The following IGF2R variants were observed in gnomAD, a reference collection of about 807,000 sequenced individuals.
IGF2R encodes the protein cation-independent mannose-6-phosphate receptor.
A neutral mutation model predicts 270.6 loss-of-function variants in IGF2R; 91 were observed. That is an observed-to-expected ratio of 0.34 (90% CI 0.28 to 0.40). The LOEUF (loss-of-function observed/expected upper bound fraction) is 0.40. Ranked by LOEUF, IGF2R falls within the 10% of genes least tolerant of loss-of-function variation. The pLI is 1.00. For missense variants in IGF2R, 2,805 were observed against 3,188.3 expected, an observed-to-expected ratio of 0.88 and a Z score of 2.90; for synonymous variants, 1,316 against 1,258.9, an observed-to-expected ratio of 1.05 and a Z score of -0.96.
intron 44 of IGF2R, 68 bp downstream of exon 44, chr6:160,090,171 C>A: frequency 8.8e-7 from 1 of 1,141,400 alleles, no homozygotes; most frequent in Non-Finnish European, 1.2e-6. Flanking sequence ...AAATTTTCAA[C>A]TAACTCCCTT....
intron 13 of IGF2R, among the ~76,000 whole-genome samples, chr6:160,045,271 A>G (rs578188888): frequency 2.8e-4 from 42 of 152,288 alleles, no homozygotes; most frequent in Middle Eastern, 3.4e-3. Context: ...GCTATTATGT[A>G]TCCTCTCTCT....
chr6:160,091,554 T>A (rs924510812), intron 44 of IGF2R, among the ~76,000 whole-genome samples: 1 of 152,202 alleles, frequency 6.6e-6, no homozygotes, highest in Non-Finnish European at 1.5e-5. Flanking sequence ...GGAAAGTGAA[T>A]GTTCTGCTTT....
chr6:160,070,190 G>T, intron 31 of IGF2R, 132 bp downstream of exon 31: 1 of 855,042 alleles, frequency 1.2e-6, no homozygotes. Context: ...GCCCTTACCA[G>T]AGGTTGGGGG....
chr6:160,076,030 A>G (rs767663296), intron 36 of IGF2R, 34 bp downstream of exon 36: 6 of 1,606,328 alleles, frequency 3.7e-6, no homozygotes, highest in East Asian at 2.2e-5. Flanking sequence ...TAGATGCTCA[A>G]CTGCGGGTTA....
intron 30 of IGF2R, among the ~76,000 whole-genome samples, chr6:160,069,079 G>T (rs1778656494): frequency 6.6e-6 from 1 of 150,460 alleles, no homozygotes; most frequent in South Asian, 2.1e-4. Flanking sequence ...GTGTGTGCCT[G>T]CGTATGTTGA....
intron 15 of IGF2R, 112 bp from the exon 16 acceptor site, chr6:160,047,047 G>A: frequency 1.1e-6 from 1 of 948,936 alleles, no homozygotes; most frequent in Non-Finnish European, 1.7e-6. Flanking sequence ...TGCAGCCCGG[G>A]CCTGGTTCTG....
intron 7 of IGF2R, among the ~76,000 whole-genome samples, chr6:160,030,540 T>A (rs1777672402): frequency 6.6e-6 from 1 of 152,128 alleles, no homozygotes; most frequent in African/African-American, 2.4e-5. Context: ...GAGTGTCTGA[T>A]GTTTGTTCTG....
At chr6:160,035,132 GTCA>G (rs1234188504) in intron 10 of IGF2R, among the ~76,000 whole-genome samples, 1 of 152,142 alleles carries the variant, frequency 6.6e-6, no homozygotes, top group Non-Finnish European at 1.5e-5. Flanking sequence ...ATGGGATTCC[GTCA>G]TCATCAGAGA....
At chr6:159,980,180 CAAAAAAGA>C (rs1266003788) in intron 1 of IGF2R, among the ~76,000 whole-genome samples, 3 of 87,326 alleles carry the variant, frequency 3.4e-5, no homozygotes, top group African/African-American at 9.4e-5. Context: ...GACTCCGTCT[CAAAAAAGA>C]AAGAAAGAAA....
intron 4 of IGF2R, among the ~76,000 whole-genome samples, chr6:160,014,636 T>C (rs1017567244): frequency 1.3e-5 from 2 of 152,218 alleles, no homozygotes; most frequent in African/African-American, 4.8e-5. Flanking sequence ...TGCTCCCTTT[T>C]CCATCATAGG....
Position 160,043,204 on chromosome 6 carries a change from C to A in IGF2R, c.1537C>A (p.His513Asn). Residue 513 changes from histidine (H) to asparagine (N), a missense_variant, in exon 12 of 48, where the codon CAT becomes AAT. Transcript: ENST00000356956. ...DGSQTETEKK[H>N]FFINICHRVL... Reference sequence around the variant, plus strand: ...CAGTCAGACGGAAACAGAGAAGAAGCATTTTTTCATTAATATTTGTCACAG... The same window carrying A: ...CAGTCAGACGGAAACAGAGAAGAAGAATTTTTTCATTAATATTTGTCACAG... 1.2e-6 allele frequency: 2 copies of A among 1,614,066 alleles called. No homozygotes were observed. The highest frequency in any genetic ancestry group is 4.5e-5 in the East Asian group (2 of 44,872).
At chr6:160,075,494 G>A (rs1387643305) in intron 35 of IGF2R, among the ~76,000 whole-genome samples, 2 of 152,154 alleles carry the variant, frequency 1.3e-5, no homozygotes, top group East Asian at 1.9e-4. Flanking sequence ...ATCCTTAGAG[G>A]TTTTTCAGGT....
At chr6:160,083,368 T>G (rs546418285) in intron 39 of IGF2R, among the ~76,000 whole-genome samples, 1 of 152,194 alleles carries the variant, frequency 6.6e-6, no homozygotes, top group African/African-American at 2.4e-5. Context: ...GTTGAACAAA[T>G]GTACAATCGG....
intron 1 of IGF2R, among the ~76,000 whole-genome samples, chr6:159,990,661 G>A (rs185768838): frequency 2.6e-5 from 4 of 151,216 alleles, no homozygotes; most frequent in Admixed American, 6.6e-5. Flanking sequence ...ACAGAGTCTC[G>A]CACTGTTGAC....
intron 4 of IGF2R, among the ~76,000 whole-genome samples, chr6:160,022,685 G>A (rs1777465724): frequency 6.6e-6 from 1 of 152,122 alleles, no homozygotes; most frequent in Non-Finnish European, 1.5e-5. Context: ...TATAGTGGGG[G>A]GAAAATGACA....
intron 29 of IGF2R, among the ~76,000 whole-genome samples, chr6:160,065,437 G>A (rs114185013): frequency 5.3e-5 from 8 of 152,072 alleles, no homozygotes; most frequent in Non-Finnish European, 1.0e-4. Flanking sequence ...GTTTCCTTCC[G>A]GCCTTTGTCC....
chr6:160,040,472 G>T lies in IGF2R; in HGVS notation c.1316-88G>T, dbSNP rs538120399. On this transcript the variant is annotated intron_variant, in intron 10 of 47. Coordinates refer to ENST00000356956, the MANE Select transcript of IGF2R (RefSeq NM_000876.4). Reference sequence around the variant, plus strand: ...ATTTTTTAACGGAGCAGTTGGCATTGGTCCTGTTCAGTTTCTTCCTTGCTC... The same window carrying T: ...ATTTTTTAACGGAGCAGTTGGCATTTGTCCTGTTCAGTTTCTTCCTTGCTC... 10 of 1,110,842 alleles carry T rather than the reference G, an allele frequency of 9.0e-6. No individual in the cohort carries two copies. In the South Asian group the frequency reaches 1.4e-4, roughly 16 times the overall value. The allele number at this position is 1,110,842 out of a possible 1,614,324, so 68.8% of individuals were successfully genotyped here.
At chr6:160,055,696 G>A (rs1003308584) in intron 19 of IGF2R, among the ~76,000 whole-genome samples, 1 of 152,100 alleles carries the variant, frequency 6.6e-6, no homozygotes, top group Non-Finnish European at 1.5e-5. Flanking sequence ...ACTTCCTTGT[G>A]CCTCAGTTTT....
At chr6:160,074,705 T>C (rs1778818839) in intron 35 of IGF2R, among the ~76,000 whole-genome samples, 1 of 152,266 alleles carries the variant, frequency 6.6e-6, no homozygotes. Flanking sequence ...TCTGTCTGTA[T>C]CATCTATTAT....
Sources: gnomAD v4.1 joint callset for allele counts (sites outside exome capture counted in the v4.1 genomes callset) on GRCh38, gnomAD v4.1.1 for gene constraint, MANE v1.5 for transcripts, NCBI Gene and HGNC (gene_info 2026-07-23, HGNC 2026-07-21) for gene names.